Variants in HUNK observed in about 807,000 individuals in gnomAD.
HUNK encodes the protein hormonally up-regulated neu tumor-associated kinase.
A neutral mutation model predicts 61.0 loss-of-function variants in HUNK; 21 were observed. The ratio of observed to expected loss-of-function variants is 0.34; its 90% CI spans 0.24 to 0.50. The LOEUF (loss-of-function observed/expected upper bound fraction) is 0.50, where lower values mean the gene tolerates loss of function less well. Ranked by LOEUF, HUNK falls within the 20% of genes least tolerant of loss-of-function variation. The pLI, the probability that HUNK is intolerant of heterozygous loss-of-function variation, is 0.98. For synonymous variants in HUNK, 371 were observed against 386.1 expected (o/e 0.96, Z 0.46); for missense variants, 772 against 945.7 (o/e 0.82, Z 2.41).
intron 6 of HUNK, among the ~76,000 whole-genome samples, chr21:31,971,365 G>A (rs1418287349): frequency 2.0e-5 from 3 of 152,070 alleles, no homozygotes; most frequent in African/African-American, 4.8e-5. Context: ...AGCCACCACC[G>A]TGCCTGGCCT....
intron 1 of HUNK, among the ~76,000 whole-genome samples, chr21:31,878,225 C>T (rs1359453877): frequency 1.4e-5 from 2 of 139,986 alleles, no homozygotes; most frequent in Non-Finnish European, 3.0e-5. Context: ...TGCCACTGCA[C>T]TCCAGCCTGG....
At chr21:31,994,365 A>G (rs868721581) in intron 9 of HUNK, among the ~76,000 whole-genome samples, 25 of 152,312 alleles carry the variant, frequency 1.6e-4, no homozygotes, top group Middle Eastern at 3.4e-3. Context: ...AAAACTGGAC[A>G]TCATGAACTC....
intron 2 of HUNK, among the ~76,000 whole-genome samples, chr21:31,925,186 A>G (rs758880336): frequency 3.5e-4 from 54 of 152,202 alleles, no homozygotes; most frequent in Non-Finnish European, 7.1e-4. Context: ...GGGTTAAAAG[A>G]GTAGAATCTG....
intron 2 of HUNK, among the ~76,000 whole-genome samples, chr21:31,936,524 T>G (rs528145783): frequency 2.6e-5 from 4 of 152,340 alleles, no homozygotes; most frequent in Admixed American, 6.5e-5. Flanking sequence ...ACTGAAACCT[T>G]TTAGAAATCT....
rs1214185204 is a variant in HUNK, at chr21:32,003,693, T to C, written c.*4509T>C. On this transcript the variant is annotated 3_prime_UTR_variant, in exon 11 of 11. Transcript: ENST00000270112. Reference sequence around the variant, plus strand: ...TTCTGTTAAGGGAGCTTTCCAGACATCTGGTTGCAAAGACAAATAGGATAT... The same window carrying C: ...TTCTGTTAAGGGAGCTTTCCAGACACCTGGTTGCAAAGACAAATAGGATAT... 1 of 152,188 alleles carries C rather than the reference T, an allele frequency of 6.6e-6. No homozygotes were observed. The highest frequency in any genetic ancestry group is 1.5e-5 in the Non-Finnish European group (1 of 68,036). The allele number at this position is 152,188 out of a possible 1,614,324, so 9.4% of individuals were successfully genotyped here.
intron 1 of HUNK, among the ~76,000 whole-genome samples, chr21:31,889,853 GAT>G (rs1224421306): frequency 6.6e-6 from 1 of 152,142 alleles, no homozygotes; most frequent in Non-Finnish European, 1.5e-5. Flanking sequence ...CGGGGTAACA[GAT>G]AGTTTCTTTC....
intron 1 of HUNK, among the ~76,000 whole-genome samples, chr21:31,883,694 G>C (rs562012252): frequency 6.6e-6 from 1 of 152,262 alleles, no homozygotes; most frequent in East Asian, 1.9e-4. Context: ...TATCAATTGT[G>C]TGCATGTAAA....
At position 31,936,884 on chromosome 21, in the gene HUNK, G is replaced by A. The variant is rs184047292; in HGVS notation, c.555-3281G>A. On this transcript the variant is annotated intron_variant, in intron 2 of 10. Transcript: ENST00000270112. ...TGCTGTCTTTTACCTTGCCTCTTTA[G>A]GATGTTTTTCCCCACAGTATTTGCT... Among the ~76,000 whole-genome samples the A allele has an allele frequency of 2.4e-3, 363 of 152,080 alleles. 2 individuals are homozygous for A. The highest frequency in any genetic ancestry group is 8.2e-3 in the African/African-American group (341 of 41,456).
Position 31,883,376 on chromosome 21 carries a change from C to T in HUNK, c.261+9441C>T, listed in dbSNP as rs115785161. Among the ~76,000 whole-genome samples the T allele has an allele frequency of 7.2e-3, 1,089 of 152,194 alleles. 19 individuals are homozygous for T. The highest frequency in any genetic ancestry group is 0.025 in the African/African-American group (1,027 of 41,524). ...TCTTATTTATTGTTTCTCTTATTTA[C>T]ATGGGAATTGAGTATATTTTCATAC... On this transcript the variant is annotated intron_variant, in intron 1 of 10. Transcript: ENST00000270112.
chr21:31,946,914 G>A (rs566307029), intron 4 of HUNK, among the ~76,000 whole-genome samples: 8 of 152,324 alleles, frequency 5.3e-5, no homozygotes, highest in Admixed American at 4.6e-4. Context: ...GCGCCCGGCC[G>A]TTCACTGGTG....
intron 9 of HUNK, 79 bp downstream of exon 9, chr21:31,990,255 A>G: frequency 7.7e-7 from 1 of 1,291,548 alleles, no homozygotes. Context: ...AGAGAGAGAG[A>G]TTGAGACTGA....
At chr21:31,897,887 G>A (rs886180593) in intron 1 of HUNK, among the ~76,000 whole-genome samples, 4 of 152,100 alleles carry the variant, frequency 2.6e-5, no homozygotes, top group African/African-American at 9.7e-5. Flanking sequence ...GTTCCACCAT[G>A]TTCTATCTTT....
chr21:31,972,321 T>G (rs1450271180), intron 6 of HUNK, among the ~76,000 whole-genome samples: 1 of 152,132 alleles, frequency 6.6e-6, no homozygotes, highest in Admixed American at 6.6e-5. Flanking sequence ...TCTGGAACAT[T>G]GTACCATTCT....
At chr21:31,952,189 G>T (rs2052854810) in intron 4 of HUNK, among the ~76,000 whole-genome samples, 1 of 144,830 alleles carries the variant, frequency 6.9e-6, no homozygotes, top group Non-Finnish European at 1.5e-5. Flanking sequence ...GGATGAATTG[G>T]TTCCTAGTCT....
chr21:31,975,252 C>T lies in HUNK; in HGVS notation c.1173+535C>T, dbSNP rs569628984. 7.9e-5 allele frequency among the ~76,000 whole-genome samples: 12 copies of T among 152,302 alleles called. No individual in the cohort carries two copies. In the East Asian group the frequency reaches 9.7e-4, roughly 12 times the overall value. ...GAAAGTCCAAGTGTCTGGTGTCACC[C>T]GCGAGGTACCTTTGGGGTTTCCACA... On this transcript the variant is annotated intron_variant, in intron 7 of 10. Coordinates refer to ENST00000270112, the MANE Select transcript of HUNK (RefSeq NM_014586.2).
intron 2 of HUNK, 58 bp from the exon 3 acceptor site, chr21:31,940,107 T>C: frequency 2.9e-6 from 4 of 1,398,056 alleles, no homozygotes; most frequent in Non-Finnish European, 4.0e-6. Flanking sequence ...AGAAGCAAAA[T>C]GTAATTCCAT....
At chr21:31,972,159 C>T (rs928854418) in intron 6 of HUNK, among the ~76,000 whole-genome samples, 11 of 152,232 alleles carry the variant, frequency 7.2e-5, no homozygotes, top group Middle Eastern at 3.4e-3. Context: ...CCTGCAGGGG[C>T]CTGGACAGTC....
chr21:31,952,371 C>T (rs1280130048), intron 4 of HUNK, among the ~76,000 whole-genome samples: 1 of 152,142 alleles, frequency 6.6e-6, no homozygotes, highest in Non-Finnish European at 1.5e-5. Context: ...GTGCATCTCC[C>T]GAAGGTCCTC....
chr21:31,949,156 A>C (rs563357548), intron 4 of HUNK, among the ~76,000 whole-genome samples: 21 of 152,314 alleles, frequency 1.4e-4, no homozygotes, highest in African/African-American at 4.6e-4. Flanking sequence ...GCTCCCAGTT[A>C]CTTTGCAGGT....
Sources: gnomAD v4.1 joint callset for allele counts (sites outside exome capture counted in the v4.1 genomes callset) on GRCh38, gnomAD v4.1.1 for gene constraint, MANE v1.5 for transcripts, NCBI Gene and HGNC (gene_info 2026-07-23, HGNC 2026-07-21) for gene names.